Variants in PRH1 observed in about 807,000 individuals in gnomAD.
The protein encoded by PRH1 is salivary acidic proline-rich phosphoprotein 1/2.
In PRH1, 7 loss-of-function variants were observed where a neutral mutation model predicts 7.9. The ratio of observed to expected loss-of-function variants is 0.89; its 90% CI spans 0.50 to 1.67. The LOEUF (loss-of-function observed/expected upper bound fraction) is 1.67. PRH1 is among the 40% of genes most tolerant of loss of function. PRH1 has a pLI of 0.00. For synonymous variants in PRH1, 45 were observed against 80.8 expected (o/e 0.56, Z 2.38); for missense variants, 109 against 223.6 (o/e 0.49, Z 3.27).
At chr12:11,071,941 G>A (rs372365455) in intron 1 of PRH1, among the ~76,000 whole-genome samples, 3 of 152,090 alleles carry the variant, frequency 2.0e-5, no homozygotes, top group African/African-American at 7.2e-5. Flanking sequence ...CTTAAAGGCA[G>A]GACTCTTTGT....
intron 1 of PRH1, among the ~76,000 whole-genome samples, chr12:11,148,669 T>C (rs951180502): frequency 8.5e-6 from 1 of 118,180 alleles, no homozygotes; most frequent in Non-Finnish European, 2.0e-5. Context: ...CTTTTTGATG[T>C]GCTGCTGGAT....
chr12:10,903,395 C>T lies in PRH1; in HGVS notation c.-58-19120G>A, dbSNP rs1949750861. On this transcript the variant is annotated intron_variant, in intron 2 of 3. Transcript: ENST00000539853. The stretch of plus-strand genomic sequence containing the variant: ...CAAACCTATAAAAAGATTTAGATAC[C>T]CACTCAATAATATTGGGGGACTTCA... Among the ~76,000 whole-genome samples, 4 of 151,858 alleles carry T rather than the reference C, an allele frequency of 2.6e-5. No individual in the cohort carries two copies. The South Asian group carries it at 8.4e-4, about 32-fold the overall frequency.
chr12:11,164,089 T>C (rs114029830), intron 1 of PRH1, among the ~76,000 whole-genome samples: 2 of 152,170 alleles, frequency 1.3e-5, no homozygotes. Flanking sequence ...TAATTTTACA[T>C]ATCAACTTGA....
At chr12:10,963,472 A>G (rs1235189485) in intron 2 of PRH1, among the ~76,000 whole-genome samples, 1 of 152,186 alleles carries the variant, frequency 6.6e-6, no homozygotes, top group East Asian at 1.9e-4. Context: ...ATTTGAGTTC[A>G]TTTATGTGAT....
Position 11,104,128 on chromosome 12 carries a change from G to A in PRH1, n.124-56940C>T, listed in dbSNP as rs904377891. Among the ~76,000 whole-genome samples the A allele has an allele frequency of 8.9e-5, 13 of 145,360 alleles. 1 individual carries two copies. In the Middle Eastern group the frequency reaches 0.011, roughly 123 times the overall value. ...ACTTTATTTAGATATTTGATTCAAC[G>A]GTGACCAACACAGTCAAAGATACTT... On this transcript the variant is annotated intron_variant and non_coding_transcript_variant, in intron 1 of 4. Coordinates refer to the PRH1 transcript ENST00000541977.
At chr12:10,989,861 A>AATCTT (rs1939844257) in intron 1 of PRH1, among the ~76,000 whole-genome samples, 1 of 152,226 alleles carries the variant, frequency 6.6e-6, no homozygotes, top group Non-Finnish European at 1.5e-5. Context: ...TCATTTAGAC[A>AATCTT]GTTGTTTCTT....
intron 1 of PRH1, chr12:11,092,188 C>T: frequency 7.4e-7 from 1 of 1,345,516 alleles, no homozygotes; most frequent in East Asian, 2.3e-5. Flanking sequence ...CAAATGTAAC[C>T]ACTACCAGAC....
chr12:11,080,170 G>T lies in PRH1; in HGVS notation n.124-32982C>A, dbSNP rs185953241. 4.8e-5 allele frequency among the ~76,000 whole-genome samples: 6 copies of T among 123,750 alleles called. No individual in the cohort carries two copies. The East Asian group carries it at 1.2e-3, about 25-fold the overall frequency. The allele number at this position is 123,750 out of a possible 152,430, so 81.2% of individuals were successfully genotyped here. A position where few individuals can be genotyped will look rare whatever the true frequency, so the allele number is the denominator to read the frequency against. ...AATTTTCTTTTTACTTTACCAACAA[G>T]CTATGCAACCCTAAACTCAATAGCT... On this transcript the variant is annotated intron_variant and non_coding_transcript_variant, in intron 1 of 4. Transcript: ENST00000541977.
intron 2 of PRH1, among the ~76,000 whole-genome samples, chr12:10,911,047 G>C (rs938623867): frequency 3.9e-5 from 6 of 152,120 alleles, no homozygotes; most frequent in African/African-American, 1.4e-4. Context: ...CAGTTTGTTA[G>C]GTTTGTATAT....
At chr12:11,132,883 G>A (rs1946405695) in intron 1 of PRH1, 1 of 164,018 alleles carries the variant, frequency 6.1e-6, no homozygotes, top group South Asian at 1.9e-4. Flanking sequence ...TAAGCACACT[G>A]TGGTATATTT....
chr12:10,885,816 G>C (rs1246531457), upstream of PRH1, among the ~76,000 whole-genome samples: 1 of 152,218 alleles, frequency 6.6e-6, no homozygotes, highest in African/African-American at 2.4e-5. Context: ...TGAGAAGCCA[G>C]GTGACAGAAA....
chr12:11,159,750 T>C (rs550563191), intron 1 of PRH1: 1 of 152,258 alleles, frequency 6.6e-6, no homozygotes, highest in African/African-American at 2.4e-5. Flanking sequence ...AGTCAAACAG[T>C]TGCAGATGGG....
chr12:10,999,297 G>T (rs943734385), intron 1 of PRH1, among the ~76,000 whole-genome samples: 1 of 152,092 alleles, frequency 6.6e-6, no homozygotes, highest in African/African-American at 2.4e-5. Flanking sequence ...TTTGTAATAT[G>T]AGGTGAATAT....
chr12:10,984,587 T>C (rs1939512063), intron 1 of PRH1, among the ~76,000 whole-genome samples: 1 of 152,098 alleles, frequency 6.6e-6, no homozygotes, highest in Admixed American at 6.5e-5. Context: ...ATCTATATGA[T>C]CTCTGCTTTT....
At chr12:11,171,333 T>C (rs1947836544) in intron 1 of PRH1, 2 of 1,228,074 alleles carry the variant, frequency 1.6e-6, no homozygotes, top group Admixed American at 4.2e-5. Flanking sequence ...CTACAGACGC[T>C]GGGCGGGCGG....
chr12:11,019,807 A>G (rs1458897975), intron 1 of PRH1, among the ~76,000 whole-genome samples: 2 of 152,300 alleles, frequency 1.3e-5, no homozygotes, highest in African/African-American at 4.8e-5. Context: ...TGAAGGAGAA[A>G]GAGACGTTCC....
intron 1 of PRH1, among the ~76,000 whole-genome samples, chr12:11,067,365 C>T (rs1398788365): frequency 6.6e-6 from 1 of 152,092 alleles, no homozygotes; most frequent in African/African-American, 2.4e-5. Context: ...TATATTTAAC[C>T]TCCATCATAC....
At chr12:11,020,257 A>G (rs1941533596) in intron 1 of PRH1, among the ~76,000 whole-genome samples, 1 of 152,156 alleles carries the variant, frequency 6.6e-6, no homozygotes, top group Non-Finnish European at 1.5e-5. Flanking sequence ...TTGACCAACT[A>G]TTCTTTGTGC....
intron 1 of PRH1, among the ~76,000 whole-genome samples, chr12:11,035,130 T>C (rs1017862792): frequency 2.6e-5 from 4 of 151,924 alleles, no homozygotes; most frequent in African/African-American, 9.6e-5. Flanking sequence ...GTCTTTGATG[T>C]CCTGTCATTT....
Sources: gnomAD v4.1 joint callset for allele counts (sites outside exome capture counted in the v4.1 genomes callset) on GRCh38, gnomAD v4.1.1 for gene constraint, MANE v1.5 for transcripts, NCBI Gene and HGNC (gene_info 2026-07-23, HGNC 2026-07-21) for gene names.